The following STMN2 variants were observed in gnomAD, a reference collection of about 807,000 sequenced individuals.
STMN2 encodes the protein stathmin-2.
A neutral mutation model predicts 24.1 loss-of-function variants in STMN2; 2 were observed. The ratio of observed to expected loss-of-function variants is 0.08; its 90% CI spans 0.03 to 0.26. The LOEUF is 0.26. Among genes scored for constraint, STMN2 ranks in the 10% least tolerant of loss-of-function variants. The pLI is 1.00. For missense variants in STMN2, 114 were observed against 213.6 expected (o/e 0.53, Z 2.91); for synonymous variants, 83 against 77.5 (o/e 1.07, Z -0.37).
rs1563435363 is a variant in STMN2, at chr8:79,624,478, A to AG, written c.20-12323dup. Among the ~76,000 whole-genome samples the AG allele has an allele frequency of 1.0e-4, 13 of 124,440 alleles. No homozygotes were observed. In the South Asian group the frequency reaches 1.7e-3, roughly 16 times the overall value. The allele number at this position is 124,440 out of a possible 152,430, so 81.6% of individuals were successfully genotyped here. ...CAAAAAAAAAAAAAAAAAAAAAAAA[A>AG]GAAAGAAAGAAAGAAGGAAAAAAGT... On this transcript the variant is annotated intron_variant, in intron 1 of 4. Coordinates refer to ENST00000220876, the MANE Select transcript of STMN2 (RefSeq NM_007029.4).
chr8:79,643,023 ATG>A (rs1290981845), intron 3 of STMN2, among the ~76,000 whole-genome samples: 1 of 148,116 alleles, frequency 6.8e-6, no homozygotes, highest in Non-Finnish European at 1.5e-5. Flanking sequence ...TGTATATGTG[ATG>A]TGTATATATG....
chr8:79,630,357 C>T (rs1437116150), intron 1 of STMN2, among the ~76,000 whole-genome samples: 2 of 152,066 alleles, frequency 1.3e-5, no homozygotes, highest in Non-Finnish European at 2.9e-5. Context: ...GGCTATCCAC[C>T]CTTATGCAAT....
At chr8:79,645,120 A>C (rs1265051804) in intron 3 of STMN2, among the ~76,000 whole-genome samples, 1 of 151,680 alleles carries the variant, frequency 6.6e-6, no homozygotes, top group Non-Finnish European at 1.5e-5. Flanking sequence ...GTACCATTGC[A>C]CTCCAGCCTG....
chr8:79,616,980 AAT>A (rs1398863395), intron 1 of STMN2, among the ~76,000 whole-genome samples: 1 of 152,248 alleles, frequency 6.6e-6, no homozygotes. Flanking sequence ...ATGATAAATC[AAT>A]AATGCAAGCT....
chr8:79,654,669 GA>G (rs1421764119), intron 3 of STMN2, among the ~76,000 whole-genome samples: 1 of 152,174 alleles, frequency 6.6e-6, no homozygotes, highest in Non-Finnish European at 1.5e-5. Flanking sequence ...ACTCACAGCT[GA>G]AAATTCAGCT....
At chr8:79,653,140 G>A (rs777966548) in intron 3 of STMN2, among the ~76,000 whole-genome samples, 6 of 152,118 alleles carry the variant, frequency 3.9e-5, no homozygotes, top group Non-Finnish European at 7.4e-5. Context: ...TACTTTGGGA[G>A]GCCGAGGCGG....
intron 1 of STMN2, among the ~76,000 whole-genome samples, chr8:79,619,937 G>A (rs1809472364): frequency 6.6e-6 from 1 of 151,582 alleles, no homozygotes; most frequent in South Asian, 2.1e-4. Flanking sequence ...AAGCATAGAA[G>A]ACTAAAAAAT....
intron 3 of STMN2, among the ~76,000 whole-genome samples, chr8:79,651,875 A>G (rs1221880845): frequency 6.6e-6 from 1 of 152,176 alleles, no homozygotes; most frequent in Non-Finnish European, 1.5e-5. Context: ...GGCTCATGTC[A>G]CTGTGCCACA....
chr8:79,647,421 C>T (rs1420068046), intron 3 of STMN2, among the ~76,000 whole-genome samples: 1 of 152,198 alleles, frequency 6.6e-6, no homozygotes, highest in Non-Finnish European at 1.5e-5. Flanking sequence ...ACCTTGAAGG[C>T]CTCTTTGTGG....
intron 4 of STMN2, among the ~76,000 whole-genome samples, chr8:79,657,157 A>G (rs1466400239): frequency 6.6e-6 from 1 of 152,240 alleles, no homozygotes; most frequent in Non-Finnish European, 1.5e-5. Flanking sequence ...TACAGGTGTG[A>G]GCCACCGTGC....
intron 4 of STMN2, among the ~76,000 whole-genome samples, chr8:79,662,863 C>G (rs1298450991): frequency 1.3e-5 from 2 of 152,038 alleles, no homozygotes; most frequent in Non-Finnish European, 2.9e-5. Context: ...GGCTTTTTCT[C>G]AATTTTTGCC....
At chr8:79,625,013 T>C (rs1809618748) in intron 1 of STMN2, among the ~76,000 whole-genome samples, 1 of 152,334 alleles carries the variant, frequency 6.6e-6, no homozygotes, top group Non-Finnish European at 1.5e-5. Flanking sequence ...CTTTGAGACA[T>C]GTCTCATTAT....
At chr8:79,625,696 G>A (rs1419286062) in intron 1 of STMN2, among the ~76,000 whole-genome samples, 3 of 152,158 alleles carry the variant, frequency 2.0e-5, no homozygotes, top group Non-Finnish European at 4.4e-5. Flanking sequence ...AGTGGCTCAC[G>A]CCTGTAATCC....
chr8:79,641,580 C>A, intron 3 of STMN2, 30 bp downstream of exon 3: 1 of 1,600,532 alleles, frequency 6.2e-7, no homozygotes, highest in East Asian at 2.3e-5. Context: ...TTCCTTCTCT[C>A]TCTCCCTCCC....
chr8:79,620,149 A>T (rs1290614862), intron 1 of STMN2, among the ~76,000 whole-genome samples: 1 of 148,534 alleles, frequency 6.7e-6, no homozygotes, highest in Non-Finnish European at 1.5e-5. Context: ...GACTCGGAAC[A>T]CAGGTCTAAT....
intron 1 of STMN2, among the ~76,000 whole-genome samples, chr8:79,626,596 A>G (rs1225569398): frequency 6.6e-6 from 1 of 152,056 alleles, no homozygotes; most frequent in African/African-American, 2.4e-5. Flanking sequence ...TCGGCTCTTA[A>G]CCCCTACCCT....
At chr8:79,629,830 T>A (rs556094372) in intron 1 of STMN2, among the ~76,000 whole-genome samples, 222 of 152,320 alleles carry the variant, frequency 1.5e-3, no homozygotes, top group Non-Finnish European at 2.7e-3. Flanking sequence ...AGTTAAAATA[T>A]TTGTTTCACA....
chr8:79,623,400 G>T (rs1395053245), intron 1 of STMN2, among the ~76,000 whole-genome samples: 2 of 152,172 alleles, frequency 1.3e-5, no homozygotes, highest in African/African-American at 2.4e-5. Context: ...AAAGGTTTAA[G>T]GGAGGATAAC....
At chr8:79,643,149 G>GTATATATA (rs201477262) in intron 3 of STMN2, among the ~76,000 whole-genome samples, 13,919 of 139,854 alleles carry the variant, frequency 0.1, 839 homozygotes, top group Middle Eastern at 0.14. Context: ...ATGTGTGTGT[G>GTATATATA]TATATATATA....
Sources: gnomAD v4.1 joint callset for allele counts (sites outside exome capture counted in the v4.1 genomes callset) on GRCh38, gnomAD v4.1.1 for gene constraint, MANE v1.5 for transcripts, NCBI Gene and HGNC (gene_info 2026-07-23, HGNC 2026-07-21) for gene names.